DLG2: variants seen among roughly 807,000 people sequenced by gnomAD.
DLG2 encodes the protein disks large homolog 2.
DLG2 carries 45 observed loss-of-function variants against 132.5 expected under a neutral mutation model. The observed-to-expected ratio is 0.34, with a 90% CI of 0.27 to 0.44. The LOEUF is 0.44. Among genes scored for constraint, DLG2 ranks in the 20% least tolerant of loss-of-function variants. The pLI is 1.00. For missense variants in DLG2, 1,045 were observed against 1,196.9 expected (o/e 0.87, Z 1.87); for synonymous variants, 424 against 419.6 (o/e 1.01, Z -0.13).
chr11:84,406,207 T>C (rs2098848447), intron 7 of DLG2, among the ~76,000 whole-genome samples: 1 of 152,096 alleles, frequency 6.6e-6, no homozygotes, highest in African/African-American at 2.4e-5. Flanking sequence ...ATTCCTTAAC[T>C]TCATACCTAC....
intron 14 of DLG2, among the ~76,000 whole-genome samples, chr11:83,933,074 AG>A (rs1162322359): frequency 2.0e-5 from 3 of 152,194 alleles, no homozygotes; most frequent in Non-Finnish European, 4.4e-5. Flanking sequence ...CTTTCCCTGC[AG>A]TTATATTCTG....
intron 5 of DLG2, among the ~76,000 whole-genome samples, chr11:85,136,512 G>A (rs1398517499): frequency 6.6e-6 from 1 of 152,028 alleles, no homozygotes; most frequent in African/African-American, 2.4e-5. Flanking sequence ...TGCTCAGTTG[G>A]GCCTGTGATT....
chr11:84,022,796 T>G (rs1428528460), intron 11 of DLG2, among the ~76,000 whole-genome samples: 6 of 152,036 alleles, frequency 3.9e-5, no homozygotes, highest in Non-Finnish European at 1.5e-5. Flanking sequence ...AAAATACATC[T>G]AGGGGTTAAA....
In DLG2 at chr11:85,285,283, T is replaced by C. The variant is rs1420713904; in HGVS notation, c.123A>G (p.Leu41=). 6.2e-7 allele frequency: 1 copy of C among 1,612,122 alleles called. No individual in the cohort carries two copies. Reference sequence around the variant, plus strand: ...GAAGGGATGTCTTCTCCCATTTCTGTAAAACTTGATTGGCTTCTTCTATCT... The same window carrying C: ...GAAGGGATGTCTTCTCCCATTTCTGCAAAACTTGATTGGCTTCTTCTATCT... ...EQKIEEANQV[L]QKWEKTSLLA... The change falls in exon 4 of 28, where the codon TTA becomes TTG. Residue 41 remains leucine (L), a synonymous_variant. Transcript: ENST00000376104.
intron 6 of DLG2, among the ~76,000 whole-genome samples, chr11:84,653,493 T>C (rs911217568): frequency 1.3e-5 from 2 of 152,180 alleles, no homozygotes; most frequent in Non-Finnish European, 2.9e-5. Context: ...CCTCCAGTAA[T>C]GACTCCCCTG....
intron 6 of DLG2, among the ~76,000 whole-genome samples, chr11:84,740,794 C>A (rs1459627707): frequency 6.6e-6 from 1 of 152,170 alleles, no homozygotes; most frequent in Non-Finnish European, 1.5e-5. Context: ...CACCCTGAGC[C>A]CGCCAATCTG....
At chr11:84,046,500 A>C (rs1233077785) in intron 11 of DLG2, among the ~76,000 whole-genome samples, 2 of 151,588 alleles carry the variant, frequency 1.3e-5, no homozygotes, top group African/African-American at 2.4e-5. Context: ...GTAACTATTG[A>C]ACTGTTGCTT....
At chr11:83,580,398 A>G (rs2096950852) in intron 19 of DLG2, among the ~76,000 whole-genome samples, 1 of 152,034 alleles carries the variant, frequency 6.6e-6, no homozygotes, top group African/African-American at 2.4e-5. Context: ...ACTCTCTGCT[A>G]GGCACTAGGG....
At chr11:83,942,951 G>C (rs1477242187) in intron 14 of DLG2, among the ~76,000 whole-genome samples, 1 of 152,154 alleles carries the variant, frequency 6.6e-6, no homozygotes, top group African/African-American at 2.4e-5. Context: ...GGAGGTAACT[G>C]AATCATGGGG....
intron 7 of DLG2, among the ~76,000 whole-genome samples, chr11:84,298,290 CT>C (rs1257792760): frequency 6.6e-6 from 1 of 152,106 alleles, no homozygotes; most frequent in African/African-American, 2.4e-5. Context: ...AAATCAATGA[CT>C]TTTGCATACC....
chr11:85,565,192 T>C (rs2153224439), intron 3 of DLG2, among the ~76,000 whole-genome samples: 1 of 152,156 alleles, frequency 6.6e-6, no homozygotes, highest in East Asian at 1.9e-4. Flanking sequence ...TTCTTTACAA[T>C]ATGTATGTTT....
At chr11:84,052,276 T>C (rs116474451) in intron 11 of DLG2, among the ~76,000 whole-genome samples, 2 of 151,814 alleles carry the variant, frequency 1.3e-5, no homozygotes, top group Non-Finnish European at 2.9e-5. Context: ...ACACATAACA[T>C]AAATATATTT....
chr11:84,842,024 G>T (rs1220748358), intron 6 of DLG2, among the ~76,000 whole-genome samples: 1 of 151,804 alleles, frequency 6.6e-6, no homozygotes, highest in Non-Finnish European at 1.5e-5. Context: ...ACACCTTTAT[G>T]GCTATTTTTA....
intron 11 of DLG2, among the ~76,000 whole-genome samples, chr11:84,033,294 G>T (rs148561182): frequency 6.6e-6 from 1 of 152,278 alleles, no homozygotes; most frequent in East Asian, 1.9e-4. Context: ...ACAAAAACAG[G>T]AGTTTGAAAA....
At chr11:85,592,752 ACCAG>A (rs1245981307) in intron 3 of DLG2, among the ~76,000 whole-genome samples, 1 of 152,122 alleles carries the variant, frequency 6.6e-6, no homozygotes, top group East Asian at 1.9e-4. Context: ...GGAGTTCAAC[ACCAG>A]CCTGGGCAAA....
intron 6 of DLG2, among the ~76,000 whole-genome samples, chr11:84,856,108 A>C (rs1283803659): frequency 2.6e-5 from 4 of 152,134 alleles, no homozygotes; most frequent in Non-Finnish European, 5.9e-5. Context: ...CTCATTACAA[A>C]GTCATTTATG....
chr11:85,026,697 C>G (rs998141118), intron 6 of DLG2, among the ~76,000 whole-genome samples: 1 of 151,800 alleles, frequency 6.6e-6, no homozygotes, highest in Non-Finnish European at 1.5e-5. Flanking sequence ...ATTAGCCGGG[C>G]GTGGTGGCGG....
chr11:85,004,994 A>G, intron 6 of DLG2, among the ~76,000 whole-genome samples: 1 of 152,118 alleles, frequency 6.6e-6, no homozygotes, highest in East Asian at 1.9e-4. Flanking sequence ...TCCTTTCCCC[A>G]TTGCTTGTTT....
intron 6 of DLG2, among the ~76,000 whole-genome samples, chr11:84,754,481 G>C (rs1396443712): frequency 2.0e-5 from 3 of 149,018 alleles, no homozygotes; most frequent in Non-Finnish European, 4.4e-5. Context: ...ATTGTGCATT[G>C]GGGGAATCTG....
Sources: allele counts gnomAD v4.1 joint callset (sites outside exome capture counted in the v4.1 genomes callset), GRCh38; gene constraint gnomAD v4.1.1; transcripts MANE v1.5; gene names NCBI Gene and HGNC (gene_info 2026-07-23, HGNC 2026-07-21).